The following IL23R variants were observed in gnomAD, a reference collection of about 807,000 sequenced individuals.
IL23R encodes interleukin-23 receptor.
In IL23R, 34 loss-of-function variants were observed where a neutral mutation model predicts 56.9. The ratio of observed to expected loss-of-function variants is 0.60; its 90% CI spans 0.45 to 0.80. The LOEUF is 0.80. Ranked by LOEUF, IL23R falls within the 30% of genes least tolerant of loss-of-function variation. The pLI is 0.00. For missense variants in IL23R, 635 were observed against 730.0 expected, an observed-to-expected ratio of 0.87 and a Z score of 1.50; for synonymous variants, 230 against 249.2, an observed-to-expected ratio of 0.92 and a Z score of 0.73.
chr1:67,218,348 G>GTATATATATA (rs1472585876), intron 6 of IL23R, among the ~76,000 whole-genome samples: 21 of 142,362 alleles, frequency 1.5e-4, no homozygotes, highest in African/African-American at 5.6e-4. Context: ...GTGTGTGTGT[G>GTATATATATA]TGTGTGTGTG....
intron 7 of IL23R, among the ~76,000 whole-genome samples, chr1:67,220,368 CA>C (rs1025561088): frequency 2.8e-5 from 4 of 141,830 alleles, no homozygotes; most frequent in East Asian, 4.1e-4. Flanking sequence ...GACTTGGTCT[CA>C]AAAAAAAATA....
At chr1:67,233,723 AT>A (rs1327992964) in intron 7 of IL23R, among the ~76,000 whole-genome samples, 2 of 152,010 alleles carry the variant, frequency 1.3e-5, no homozygotes, top group Admixed American at 6.6e-5. Flanking sequence ...GATAATTTGG[AT>A]TTTTTTTAGT....
chr1:67,146,076 A>C (rs1351063386), intron 1 of IL23R, among the ~76,000 whole-genome samples: 5 of 152,216 alleles, frequency 3.3e-5, no homozygotes, highest in African/African-American at 7.2e-5. Flanking sequence ...GCCAGTCAGC[A>C]TGAACTCCCA....
chr1:67,163,568 G>A (rs1646843412), upstream of IL23R, among the ~76,000 whole-genome samples: 1 of 151,212 alleles, frequency 6.6e-6, no homozygotes, highest in South Asian at 2.1e-4. Flanking sequence ...AGTGGGAGGT[G>A]TTTGGATCAT....
intron 6 of IL23R, among the ~76,000 whole-genome samples, chr1:67,218,642 G>A (rs920177881): frequency 6.6e-6 from 1 of 151,990 alleles, no homozygotes; most frequent in Admixed American, 6.6e-5. Context: ...CCAAAATTAA[G>A]GCTGGGTATG....
intron 6 of IL23R, among the ~76,000 whole-genome samples, chr1:67,215,135 C>A (rs773719011): frequency 6.6e-6 from 1 of 152,206 alleles, no homozygotes; most frequent in Admixed American, 6.5e-5. Context: ...GATTTTAAGG[C>A]GGTAGATTGC....
chr1:67,235,487 G>A (rs1480017735), intron 7 of IL23R, among the ~76,000 whole-genome samples: 3 of 151,332 alleles, frequency 2.0e-5, no homozygotes, highest in Admixed American at 6.6e-5. Flanking sequence ...TCCACCTCCC[G>A]GGTTCAAGTG....
At chr1:67,227,990 CTTTCTT>C (rs1650769253) in intron 7 of IL23R, among the ~76,000 whole-genome samples, 2 of 98,800 alleles carry the variant, frequency 2.0e-5, no homozygotes, top group South Asian at 5.5e-4. Context: ...TTCTTTCTTT[CTTTCTT>C]TCTTTCTTTC....
chr1:67,212,871 CTTTTTCTTTT>C (rs1276550953), intron 6 of IL23R, among the ~76,000 whole-genome samples: 3 of 150,638 alleles, frequency 2.0e-5, no homozygotes, highest in East Asian at 4.0e-4. Flanking sequence ...TGCAATCTTT[CTTTTTCTTTT>C]TTTTTCTTTT....
rs139356171 is a variant in IL23R at position 67,203,034 on chromosome 1, G to A, written c.652+2137G>A. On this transcript the variant is annotated intron_variant, in intron 5 of 10. Transcript: ENST00000347310. ...ATGCAGTAATATACCCTTTTCTTAC[G>A]ATAGATAAATTAATGATGTTTAAGA... 1.5e-3 allele frequency among the ~76,000 whole-genome samples: 229 copies of A among 152,010 alleles called. 3 individuals carry two copies. The highest frequency in any genetic ancestry group is 8.9e-3 in the East Asian group (46 of 5,178).
In IL23R at chr1:67,169,134, G is replaced by A. The variant is rs1420807442; in HGVS notation, c.71-208G>A. The stretch of plus-strand genomic sequence containing the variant: ...GCAGCCTGGGTGACAGAATGAGACT[G>A]TCTCAAAAAAAAAAAAAAAAAAAAA... On this transcript the variant is annotated intron_variant, in intron 2 of 10. Coordinates refer to ENST00000347310, the MANE Select transcript of IL23R (RefSeq NM_144701.3). Among the ~76,000 whole-genome samples, 165 of 65,868 alleles carry A rather than the reference G, an allele frequency of 2.5e-3. 1 individual carries two copies. Among genetic ancestry groups the A allele is most frequent in the Non-Finnish European group, 3.7e-3 (138 of 37,226 alleles). 43.2% of individuals were successfully genotyped at this position (65,868 alleles called of 152,430 possible).
intron 4 of IL23R, among the ~76,000 whole-genome samples, chr1:67,198,352 G>A (rs1648333766): frequency 6.6e-6 from 1 of 152,168 alleles, no homozygotes; most frequent in Non-Finnish European, 1.5e-5. Context: ...GATTATTTAG[G>A]GGTAGAGATT....
At chr1:67,196,297 G>A (rs1044616971) in intron 4 of IL23R, 1 of 152,158 alleles carries the variant, frequency 6.6e-6, no homozygotes, top group Non-Finnish European at 1.5e-5. Flanking sequence ...TAATCCTCAC[G>A]TGGGAGGATC....
chr1:67,228,151 T>TTTCTTCCTTCC (rs1650848278), intron 7 of IL23R, among the ~76,000 whole-genome samples: 1 of 58,086 alleles, frequency 1.7e-5, no homozygotes, highest in African/African-American at 8.3e-5. Context: ...TGTCTTTCTT[T>TTTCTTCCTTCC]TTCCTTCCTT....
intron 5 of IL23R, among the ~76,000 whole-genome samples, chr1:67,205,565 G>GT: frequency 6.6e-6 from 1 of 152,262 alleles, no homozygotes; most frequent in East Asian, 1.9e-4. Flanking sequence ...AAACTTACAA[G>GT]TATTTACACA....
intron 1 of IL23R, among the ~76,000 whole-genome samples, chr1:67,156,415 C>G (rs1294506542): frequency 2.0e-5 from 3 of 152,188 alleles, no homozygotes; most frequent in Non-Finnish European, 4.4e-5. Flanking sequence ...CTGCAGCTGT[C>G]CCCTCCCTCC....
upstream of IL23R, among the ~76,000 whole-genome samples, chr1:67,161,583 C>A (rs753000424): frequency 6.6e-6 from 1 of 151,184 alleles, no homozygotes; most frequent in Non-Finnish European, 1.5e-5. Context: ...ACTACGTACT[C>A]CCTTGCATAT....
At chr1:67,174,581 A>G (rs1646984721) in intron 3 of IL23R, among the ~76,000 whole-genome samples, 1 of 151,976 alleles carries the variant, frequency 6.6e-6, no homozygotes, top group South Asian at 2.1e-4. Context: ...TGAGCAGTCA[A>G]GTGTCCCAGC....
chr1:67,256,571 C>T (rs1419795863), intron 10 of IL23R, among the ~76,000 whole-genome samples: 2 of 152,128 alleles, frequency 1.3e-5, no homozygotes, highest in East Asian at 1.9e-4. Flanking sequence ...GGGCTCAAAA[C>T]CCAGTCCAAG....
Sources: allele counts gnomAD v4.1 joint callset (sites outside exome capture counted in the v4.1 genomes callset), GRCh38; gene constraint gnomAD v4.1.1; transcripts MANE v1.5; gene names NCBI Gene and HGNC (gene_info 2026-07-23, HGNC 2026-07-21).